Variants in LRRD1 observed in about 807,000 individuals in gnomAD.
The protein encoded by LRRD1 is leucine rich repeats and death domain containing 1.
A neutral mutation model predicts 69.5 loss-of-function variants in LRRD1; 49 were observed. The ratio of observed to expected loss-of-function variants is 0.70; its 90% CI spans 0.56 to 0.89. The LOEUF (loss-of-function observed/expected upper bound fraction) is 0.89. Ranked by LOEUF, LRRD1 falls within the 40% of genes least tolerant of loss-of-function variation. LRRD1 has a pLI of 0.00. For missense variants in LRRD1, 853 were observed against 956.0 expected, an observed-to-expected ratio of 0.89 and a Z score of 1.42; for synonymous variants, 303 against 338.9, an observed-to-expected ratio of 0.89 and a Z score of 1.16.
intron 3 of LRRD1, among the ~76,000 whole-genome samples, chr7:92,158,387 A>ATATATATGTGTATATATGTGTATATATG (rs1563191009): frequency 5.9e-5 from 9 of 151,672 alleles, no homozygotes; most frequent in African/African-American, 1.9e-4. Context: ...AAACAGATAA[A>ATATATATGTGTATATATGTGTATATATG]TATATATGTG....
In LRRD1 at chr7:92,150,563, C is replaced by G; in HGVS notation, c.2249G>C (p.Arg750Pro). Residue 750 changes from arginine to proline, a missense_variant, in exon 4 of 6, where the codon CGC (arginine) becomes CCC (proline). Physicochemically the swap from Arg to Pro is moderately radical, Grantham distance 103 (BLOSUM62 -2). This residue lies in a region of LRRD1 where 739 missense variants were observed against 808.0 expected (regional missense o/e 0.91). Transcript: ENST00000458448. The stretch of plus-strand genomic sequence containing the variant: ...TCTTTCATCTGCCCTCTGTAGATAG[C>G]GTGCAATAGTATACAACTGTTTTCC... Reference protein sequence around the residue: ...CKGKQLYTIARYLQRADERDE... With the variant: ...CKGKQLYTIAPYLQRADERDE... The G allele has an allele frequency of 6.5e-7, 1 of 1,549,270 alleles. No individual in the cohort carries two copies. The highest frequency in any genetic ancestry group is 8.7e-7 in the Non-Finnish European group (1 of 1,145,760).
At chr7:92,178,325 A>C (rs1789240277) in intron 1 of LRRD1, among the ~76,000 whole-genome samples, 1 of 151,988 alleles carries the variant, frequency 6.6e-6, no homozygotes, top group South Asian at 2.1e-4. Context: ...AAAGACAAAC[A>C]AAAAACTATA....
intron 2 of LRRD1, 119 bp downstream of exon 2, chr7:92,163,167 A>G: frequency 1.7e-6 from 1 of 604,896 alleles, no homozygotes; most frequent in Non-Finnish European, 2.5e-6. Context: ...CATTTAAAAA[A>G]CAAAATATTT....
intron 1 of LRRD1, among the ~76,000 whole-genome samples, chr7:92,173,769 A>G (rs1433339788): frequency 6.6e-6 from 1 of 152,160 alleles, no homozygotes; most frequent in Non-Finnish European, 1.5e-5. Context: ...ACTGTATTGG[A>G]GTCACCACAA....
downstream of LRRD1, chr7:92,142,794 C>A: frequency 2.3e-6 from 1 of 443,738 alleles, no homozygotes; most frequent in Non-Finnish European, 4.5e-6. Context: ...CCGGTGGGTT[C>A]CTGGTCTTGC....
intron 4 of LRRD1, among the ~76,000 whole-genome samples, chr7:92,148,994 A>G (rs6973672): frequency 0.45 from 68,658 of 151,904 alleles, 16,687 homozygotes; most frequent in African/African-American, 0.64. Context: ...TGATTCACCC[A>G]CCTTGGCCTC....
intron 1 of LRRD1, among the ~76,000 whole-genome samples, chr7:92,166,148 G>A (rs1788904314): frequency 6.6e-6 from 1 of 152,264 alleles, no homozygotes; most frequent in South Asian, 2.1e-4. Context: ...CACCAGCTGG[G>A]TAGCACCACT....
Position 92,167,099 on chromosome 7 carries a change from CTTT to C in LRRD1, c.-74-1826_-74-1824del, listed in dbSNP as rs770765785. ...CAACATACACAAGTCAATTTTCTTT[CTTT>C]TTTTTTTTTTTTGTGGGGACAGTCT... is the stretch of plus-strand genomic sequence containing the variant. On this transcript the variant is annotated intron_variant, in intron 1 of 5. Coordinates refer to ENST00000458448, the MANE Select transcript of LRRD1 (RefSeq NM_001161528.2). Among the ~76,000 whole-genome samples, 4 of 139,414 alleles carry C rather than the reference CTTT, an allele frequency of 2.9e-5. 1 individual carries two copies. 91.5% of individuals were successfully genotyped at this position (139,414 alleles called of 152,430 possible).
intron 2 of LRRD1, among the ~76,000 whole-genome samples, chr7:92,160,889 G>T (rs1788783779): frequency 1.3e-5 from 2 of 152,216 alleles, no homozygotes; most frequent in East Asian, 1.9e-4. Context: ...TAAATATCAT[G>T]AATAACAATG....
At chr7:92,152,778 C>T (rs1820506013) in intron 3 of LRRD1, among the ~76,000 whole-genome samples, 1 of 151,316 alleles carries the variant, frequency 6.6e-6, no homozygotes, top group South Asian at 2.1e-4. Context: ...TCAAGCAATT[C>T]TTCTGCCTCA....
chr7:92,159,241 C>A, intron 2 of LRRD1, 38 bp from the exon 3 acceptor site: 1 of 1,233,404 alleles, frequency 8.1e-7, no homozygotes, highest in Admixed American at 3.9e-5. Flanking sequence ...TTTATAAATA[C>A]ATACATATTT....
downstream of LRRD1, among the ~76,000 whole-genome samples, chr7:92,143,578 C>T (rs981429943): frequency 2.0e-5 from 3 of 152,204 alleles, no homozygotes; most frequent in Non-Finnish European, 4.4e-5. Context: ...GGTGCTAAGC[C>T]CCTCACTGTC....
At chr7:92,156,706 T>C (rs1788665727) in intron 3 of LRRD1, among the ~76,000 whole-genome samples, 1 of 152,254 alleles carries the variant, frequency 6.6e-6, no homozygotes, top group African/African-American at 2.4e-5. Flanking sequence ...AGACAACGTG[T>C]CTCTGTTATC....
At position 92,164,529 on chromosome 7, in the gene LRRD1, T is replaced by C; in HGVS notation, c.674A>G (p.His225Arg). ...ILNVSHNHISHIPKEISQLGN... is the reference protein window; with the variant it reads ...ILNVSHNHISRIPKEISQLGN... ...AAGCTGAGATATTTCTTTAGGTATA[T>C]GTGATATGTGGTTATGACTGACATT... Residue 225 changes from histidine to arginine, a missense_variant, in exon 2 of 6, where the codon CAT becomes CGT. Around this residue, in one of 3 missense-constraint regions of LRRD1, gnomAD observed 739 missense variants for 808.0 expected, o/e 0.91. Transcript: ENST00000458448. 1.3e-6 allele frequency: 2 copies of C among 1,550,238 alleles called. No homozygotes were observed. Among genetic ancestry groups the C allele is most frequent in the Non-Finnish European group, 1.7e-6 (2 of 1,146,006 alleles).
In LRRD1 at chr7:92,175,605, C is replaced by T. The variant is rs1002705146; in HGVS notation, c.-75+3402G>A. On this transcript the variant is annotated intron_variant, in intron 1 of 5. Transcript: ENST00000458448. ...CAGAGGTTGCAGTGAGCAGAAATCA[C>T]GCCATTGTACTCCAGCCTGGGCAAC... Among the ~76,000 whole-genome samples the T allele has an allele frequency of 4.4e-4, 67 of 152,214 alleles. 1 individual carries two copies. The highest frequency in any genetic ancestry group is 1.4e-3 in the African/African-American group (57 of 41,530).
intron 4 of LRRD1, among the ~76,000 whole-genome samples, chr7:92,147,319 C>A (rs920452038): frequency 6.6e-6 from 1 of 152,056 alleles, no homozygotes; most frequent in East Asian, 1.9e-4. Flanking sequence ...CCGCCCTCCT[C>A]GGCCTCCCAA....
At position 92,150,572 on chromosome 7, in the gene LRRD1, G is replaced by A. The variant is rs1820441116; in HGVS notation, c.2240C>T (p.Thr747Ile). ...VEICKGKQLY[T>I]IARYLQRADE... is the part of the protein sequence containing the mutation. ...TGCCCTCTGTAGATAGCGTGCAATAGTATACAACTGTTTTCCTTTACAGAT... is the reference window on the plus strand; with the variant it reads ...TGCCCTCTGTAGATAGCGTGCAATAATATACAACTGTTTTCCTTTACAGAT... Residue 747 changes from threonine to isoleucine, a missense_variant, in exon 4 of 6, where the codon ACT (threonine) becomes ATT (isoleucine). Physicochemically the swap from Thr to Ile is moderately conservative, Grantham distance 89. Coordinates refer to ENST00000458448, the MANE Select transcript of LRRD1 (RefSeq NM_001161528.2). 6.4e-7 allele frequency: 1 copy of A among 1,551,410 alleles called. No individual in the cohort carries two copies. The highest frequency in any genetic ancestry group is 2.0e-5 in the Admixed American group (1 of 50,972).
At chr7:92,149,699 T>TTTTG (rs1554481562) in intron 4 of LRRD1, among the ~76,000 whole-genome samples, 7 of 151,612 alleles carry the variant, frequency 4.6e-5, no homozygotes, top group Non-Finnish European at 7.4e-5. Flanking sequence ...GCCGAATGTA[T>TTTTG]TTTATTTATT....
At chr7:92,174,487 ATATATATATATATATATATATATTT>A (rs1789126111) in intron 1 of LRRD1, among the ~76,000 whole-genome samples, 1 of 14,020 alleles carries the variant, frequency 7.1e-5, no homozygotes, top group South Asian at 2.2e-3. Context: ...ATATATATAT[ATATATATATATATATATATATATTT>A]TTTTTTTTTT....
Sources: allele counts gnomAD v4.1 joint callset (sites outside exome capture counted in the v4.1 genomes callset), GRCh38; gene constraint gnomAD v4.1.1; regional missense constraint gnomAD v4.1.1; transcripts MANE v1.5; gene names NCBI Gene and HGNC (gene_info 2026-07-23, HGNC 2026-07-21).